Variants in EIF5B observed in about 807,000 individuals in gnomAD.
EIF5B encodes eIF-5B.
EIF5B carries 47 observed loss-of-function variants against 147.5 expected under a neutral mutation model. The observed-to-expected ratio is 0.32, with a 90% CI of 0.25 to 0.41. The LOEUF (loss-of-function observed/expected upper bound fraction) is 0.41, where lower values mean the gene tolerates loss of function less well. Among genes scored for constraint, EIF5B ranks in the 10% least tolerant of loss-of-function variants. The probability of loss-of-function intolerance (pLI) is 1.00; values close to 1 mark genes in which losing one functional copy is unlikely to be tolerated. For missense variants in EIF5B, 1,064 were observed against 1,413.2 expected (o/e 0.75, Z 3.96); for synonymous variants, 455 against 456.2 (o/e 1.00, Z 0.03).
intron 1 of EIF5B, among the ~76,000 whole-genome samples, chr2:99,349,693 G>A (rs1377103211): frequency 6.6e-6 from 1 of 152,024 alleles, no homozygotes; most frequent in Non-Finnish European, 1.5e-5. Context: ...CATAATAATT[G>A]TACATATTTA....
At chr2:99,339,914 G>T (rs1189518374) in intron 1 of EIF5B, among the ~76,000 whole-genome samples, 5 of 151,762 alleles carry the variant, frequency 3.3e-5, no homozygotes, top group African/African-American at 7.3e-5. Flanking sequence ...TCTGTGTTTT[G>T]TTGTTGTTGT....
chr2:99,353,351 G>T (rs1285791939), intron 1 of EIF5B, among the ~76,000 whole-genome samples: 1 of 151,766 alleles, frequency 6.6e-6, no homozygotes, highest in Non-Finnish European at 1.5e-5. Context: ...TAGAGTCAGG[G>T]TTTCGCCATG....
chr2:99,390,427 G>GTTT (rs58344028), intron 16 of EIF5B, 26 bp downstream of exon 16: 131 of 1,403,788 alleles, frequency 9.3e-5, no homozygotes, highest in South Asian at 9.7e-5. Flanking sequence ...TCAGTTTATT[G>GTTT]TTTTTTTTTT....
intron 1 of EIF5B, among the ~76,000 whole-genome samples, chr2:99,344,406 T>G (rs1381548520): frequency 1.4e-5 from 2 of 147,644 alleles, no homozygotes; most frequent in East Asian, 4.1e-4. Flanking sequence ...CACCACAGTT[T>G]GTTGTTGTTG....
chr2:99,350,145 A>C (rs1428130506), intron 1 of EIF5B, among the ~76,000 whole-genome samples: 1 of 152,228 alleles, frequency 6.6e-6, no homozygotes, highest in African/African-American at 2.4e-5. Flanking sequence ...ATGGATGAAT[A>C]GTATTCACAC....
At chr2:99,372,885 T>A (rs72815074) in intron 9 of EIF5B, among the ~76,000 whole-genome samples, 25,469 of 152,124 alleles carry the variant, frequency 0.17, 2,690 homozygotes, top group African/African-American at 0.28. Context: ...CATAGCGTTC[T>A]GAGGGTTTTT....
intron 9 of EIF5B, among the ~76,000 whole-genome samples, chr2:99,373,996 T>C (rs1674510572): frequency 6.6e-6 from 1 of 152,130 alleles, no homozygotes; most frequent in Non-Finnish European, 1.5e-5. Flanking sequence ...TATTTAGATA[T>C]CATTGCTCTC....
intron 1 of EIF5B, among the ~76,000 whole-genome samples, chr2:99,347,235 G>A (rs1459424312): frequency 6.6e-6 from 1 of 151,886 alleles, no homozygotes; most frequent in Non-Finnish European, 1.5e-5. Flanking sequence ...TTGAACTCCT[G>A]AACTCAAGTG....
chr2:99,376,619 G>T lies in EIF5B; in HGVS notation c.1825G>T (p.Ala609Ser). 1.2e-6 allele frequency: 2 copies of T among 1,601,762 alleles called. No individual in the cohort carries two copies. The highest frequency in any genetic ancestry group is 1.7e-6 in the Non-Finnish European group (2 of 1,175,476). Residue 609 changes from alanine to serine, a missense_variant, in exon 10 of 24, where the codon GCA becomes TCA. Ala to Ser is a moderately conservative substitution (Grantham distance 99). Around this residue, in one of 4 missense-constraint regions of EIF5B, gnomAD observed 195 missense variants for 186.3 expected, o/e 1.05. Coordinates refer to ENST00000289371, the MANE Select transcript of EIF5B (RefSeq NM_015904.4). ...RTKEERAYDK[A>S]KRRIEKRRLE... Reference sequence around the variant, plus strand: ...TAAAGAAGAAAGGGCTTATGACAAAGCAAAACGGAGGATTGAGGTATTTAT... The same window carrying T: ...TAAAGAAGAAAGGGCTTATGACAAATCAAAACGGAGGATTGAGGTATTTAT...
At chr2:99,344,808 A>G (rs1196856770) in intron 1 of EIF5B, among the ~76,000 whole-genome samples, 1 of 152,210 alleles carries the variant, frequency 6.6e-6, no homozygotes, top group Non-Finnish European at 1.5e-5. Context: ...CAAAAGTAGA[A>G]TAGTCTAATG....
intron 14 of EIF5B, 85 bp from the exon 15 acceptor site, chr2:99,389,633 C>A (rs781644580): frequency 3.8e-6 from 5 of 1,312,814 alleles, no homozygotes; most frequent in Middle Eastern, 2.8e-4. Context: ...ATGAGACACA[C>A]ATGAGGAATT....
intron 12 of EIF5B, among the ~76,000 whole-genome samples, 181 bp downstream of exon 12, chr2:99,379,609 ATAT>A (rs915863768): frequency 2.0e-4 from 30 of 152,256 alleles, no homozygotes; most frequent in African/African-American, 6.3e-4. Flanking sequence ...AAAACACTAC[ATAT>A]TATAGGAGCT....
intron 14 of EIF5B, among the ~76,000 whole-genome samples, chr2:99,386,468 CGTGTGTGTGTGTGT>C (rs61494312): frequency 2.3e-4 from 33 of 142,404 alleles, no homozygotes; most frequent in African/African-American, 6.7e-4. Context: ...TTTTGTTTTG[CGTGTGTGTGTGTGT>C]GTGTGTGTGT....
At chr2:99,398,948 G>A (rs1675131622) in intron 23 of EIF5B, 39 bp downstream of exon 23, 1 of 1,597,654 alleles carries the variant, frequency 6.3e-7, no homozygotes. Context: ...TTAAGCAACA[G>A]GGAATCACTC....
chr2:99,361,091 TG>T, intron 3 of EIF5B, 56 bp from the exon 4 acceptor site: 1 of 1,368,656 alleles, frequency 7.3e-7, no homozygotes, highest in Non-Finnish European at 9.7e-7. Flanking sequence ...ATGAAGCACA[TG>T]ACTCTGGTCT....
chr2:99,348,743 T>G (rs898126546), intron 1 of EIF5B, among the ~76,000 whole-genome samples: 4 of 152,226 alleles, frequency 2.6e-5, no homozygotes, highest in Admixed American at 1.3e-4. Flanking sequence ...TTTAATACTT[T>G]GAGGTTTTGG....
rs1442717792 is a variant in EIF5B, at chr2:99,390,669, C to T, written c.2712C>T (p.Leu904=). The part of the protein sequence containing the change: ...EGPIVTQIRG[L]LLPPPMKELR... Reference sequence around the variant, plus strand: ...CCATTGTAACTCAGATTCGAGGCCTCCTGTTACCTCCTCCTATGAAGGAAT... The same window carrying T: ...CCATTGTAACTCAGATTCGAGGCCTTCTGTTACCTCCTCCTATGAAGGAAT... The change falls in exon 17 of 24, where the codon CTC becomes CTT. Residue 904 remains leucine (L), a synonymous_variant. Transcript: ENST00000289371. The T allele has an allele frequency of 1.2e-6, 2 of 1,609,068 alleles. No homozygotes were observed. Among genetic ancestry groups the T allele is most frequent in the Admixed American group, 3.3e-5 (2 of 59,886 alleles).
intron 14 of EIF5B, among the ~76,000 whole-genome samples, chr2:99,388,581 GT>G (rs1343069360): frequency 7.9e-5 from 12 of 152,280 alleles, no homozygotes; most frequent in African/African-American, 2.9e-4. Context: ...AGATGTTCAT[GT>G]GGATTTTCTC....
chr2:99,339,169 AC>A (rs1420494553), intron 1 of EIF5B, among the ~76,000 whole-genome samples: 1 of 151,380 alleles, frequency 6.6e-6, no homozygotes, highest in African/African-American at 2.4e-5. Context: ...ATGCACCACC[AC>A]ATCCGGCTAG....
Sources: allele counts gnomAD v4.1 joint callset (sites outside exome capture counted in the v4.1 genomes callset), GRCh38; gene constraint gnomAD v4.1.1; regional missense constraint gnomAD v4.1.1; transcripts MANE v1.5; gene names NCBI Gene and HGNC (gene_info 2026-07-23, HGNC 2026-07-21).